The following RALYL variants were observed in gnomAD, a reference collection of about 807,000 sequenced individuals.
RALYL encodes RALY RNA binding protein like.
Under a neutral mutation model 35.1 loss-of-function variants are expected in RALYL, and 29 were observed. That is an observed-to-expected ratio of 0.83 (90% CI 0.61 to 1.13). The LOEUF (loss-of-function observed/expected upper bound fraction) is 1.13, where lower values mean the gene tolerates loss of function less well. RALYL is among the 50% of genes most tolerant of loss of function. The probability of loss-of-function intolerance (pLI) is 0.00; values close to 1 mark genes in which losing one functional copy is unlikely to be tolerated. For missense variants in RALYL, 359 were observed against 360.4 expected (o/e 1.00, Z 0.03); for synonymous variants, 120 against 127.6 (o/e 0.94, Z 0.40).
intron 2 of RALYL, among the ~76,000 whole-genome samples, chr8:84,745,596 A>C (rs1808425902): frequency 6.6e-6 from 1 of 151,908 alleles, no homozygotes; most frequent in Non-Finnish European, 1.5e-5. Context: ...ATTTTTTTTC[A>C]TGAGGTCTCC....
chr8:84,824,945 A>G (rs1252129499), intron 4 of RALYL, among the ~76,000 whole-genome samples: 1 of 152,168 alleles, frequency 6.6e-6, no homozygotes. Context: ...GCCTTCGGAA[A>G]GAATTCATGG....
chr8:84,199,845 A>C (rs1816396218), intron 1 of RALYL, among the ~76,000 whole-genome samples: 1 of 152,126 alleles, frequency 6.6e-6, no homozygotes, highest in Non-Finnish European at 1.5e-5. Context: ...ATGCTGTTCC[A>C]AATGTTGAAA....
chr8:84,426,737 A>G (rs2046521517), intron 1 of RALYL, among the ~76,000 whole-genome samples: 2 of 152,176 alleles, frequency 1.3e-5, no homozygotes, highest in Admixed American at 1.3e-4. Context: ...AGAGAAATGC[A>G]AATCAAAACC....
chr8:84,344,772 T>A (rs59534352), intron 1 of RALYL, among the ~76,000 whole-genome samples: 9,939 of 152,136 alleles, frequency 0.065, 416 homozygotes, highest in African/African-American at 0.087. Context: ...TTTAGATTCC[T>A]CATATCAGTG....
At chr8:84,529,616 A>C in intron 2 of RALYL, 39 bp downstream of exon 2, 2 of 1,571,178 alleles carry the variant, frequency 1.3e-6, no homozygotes, top group Non-Finnish European at 1.7e-6. Context: ...GTTATTGTTC[A>C]TATATCTGGA....
At chr8:84,779,855 G>C (rs1249879771) in intron 3 of RALYL, among the ~76,000 whole-genome samples, 1 of 152,138 alleles carries the variant, frequency 6.6e-6, no homozygotes, top group East Asian at 1.9e-4. Context: ...ATGGGAAAAG[G>C]GACCCTTGAA....
chr8:84,291,910 C>A (rs1838832064), intron 1 of RALYL, among the ~76,000 whole-genome samples: 1 of 148,980 alleles, frequency 6.7e-6, no homozygotes. Context: ...ATAATATATT[C>A]ATATATATAA....
Position 84,332,218 on chromosome 8 carries a change from G to T in RALYL, c.-24+147794G>T, listed in dbSNP as rs547993729. On this transcript the variant is annotated intron_variant, in intron 1 of 8. Coordinates refer to ENST00000521268, the MANE Select transcript of RALYL (RefSeq NM_173848.7). The stretch of plus-strand genomic sequence containing the variant: ...CATTTTACTAACGTGTCAGTCTGAA[G>T]TGTCATCTGACTCTTCTTTCAGCCT... Among the ~76,000 whole-genome samples the T allele has an allele frequency of 3.3e-5, 5 of 152,242 alleles. No individual in the cohort carries two copies. The East Asian group carries it at 9.7e-4, about 29-fold the overall frequency.
At chr8:84,888,161 T>C (rs906965339) in intron 8 of RALYL, among the ~76,000 whole-genome samples, 5 of 152,224 alleles carry the variant, frequency 3.3e-5, no homozygotes, top group Non-Finnish European at 7.3e-5. Context: ...GTTTACTAAC[T>C]GATGATAATT....
chr8:84,513,055 A>C (rs188506760), intron 1 of RALYL, among the ~76,000 whole-genome samples: 1 of 152,274 alleles, frequency 6.6e-6, no homozygotes, highest in Non-Finnish European at 1.5e-5. Flanking sequence ...ATTTCTGTGA[A>C]AAATGTCATT....
At chr8:84,561,509 T>C (rs1216307673) in intron 2 of RALYL, among the ~76,000 whole-genome samples, 1 of 152,026 alleles carries the variant, frequency 6.6e-6, no homozygotes. Context: ...ACTATGTTTT[T>C]TCCTATACAT....
intron 2 of RALYL, among the ~76,000 whole-genome samples, chr8:84,767,887 G>A (rs1814500809): frequency 6.6e-6 from 1 of 152,156 alleles, no homozygotes; most frequent in Admixed American, 6.5e-5. Flanking sequence ...TCTGCACAAT[G>A]ACTACAAATT....
chr8:84,796,285 G>A (rs1411496943), intron 3 of RALYL, among the ~76,000 whole-genome samples: 1 of 152,166 alleles, frequency 6.6e-6, no homozygotes, highest in Admixed American at 6.5e-5. Flanking sequence ...TCTTGGCCCA[G>A]GCCAGCCAGC....
At chr8:84,623,772 T>TG (rs1822105133) in intron 2 of RALYL, among the ~76,000 whole-genome samples, 1 of 151,786 alleles carries the variant, frequency 6.6e-6, no homozygotes, top group Non-Finnish European at 1.5e-5. Context: ...AAATATGCTG[T>TG]GGGAAAAAAA....
At chr8:84,794,733 G>A (rs1439150743) in intron 3 of RALYL, among the ~76,000 whole-genome samples, 1 of 152,114 alleles carries the variant, frequency 6.6e-6, no homozygotes, top group African/African-American at 2.4e-5. Flanking sequence ...CCCCAAAGCT[G>A]TTGGAGCATT....
chr8:84,357,917 G>C (rs1852193049), intron 1 of RALYL, among the ~76,000 whole-genome samples: 1 of 151,386 alleles, frequency 6.6e-6, no homozygotes, highest in Admixed American at 6.6e-5. Flanking sequence ...TTTAATTAAA[G>C]TTTATATGTT....
intron 2 of RALYL, among the ~76,000 whole-genome samples, chr8:84,713,845 C>T (rs1842562109): frequency 1.3e-5 from 2 of 150,612 alleles, no homozygotes; most frequent in South Asian, 4.2e-4. Context: ...TGTCCATCCA[C>T]AGATAGGATA....
chr8:84,664,299 G>A (rs2131702033), intron 2 of RALYL, among the ~76,000 whole-genome samples: 1 of 68,732 alleles, frequency 1.5e-5, no homozygotes, highest in African/African-American at 5.8e-5. Context: ...GCTTTGGATT[G>A]CCTTGACTAT....
intron 1 of RALYL, among the ~76,000 whole-genome samples, chr8:84,328,317 C>A (rs888724160): frequency 1.4e-4 from 21 of 152,154 alleles, no homozygotes; most frequent in African/African-American, 4.8e-4. Context: ...AAACTTGAAG[C>A]CTTTTAAGTG....
Sources: allele counts gnomAD v4.1 joint callset (sites outside exome capture counted in the v4.1 genomes callset), GRCh38; gene constraint gnomAD v4.1.1; transcripts MANE v1.5; gene names NCBI Gene and HGNC (gene_info 2026-07-23, HGNC 2026-07-21).